Variants in XPO4 observed in about 807,000 individuals in gnomAD.
XPO4 encodes exportin-4.
XPO4 carries 39 observed loss-of-function variants against 143.0 expected under a neutral mutation model. The ratio of observed to expected loss-of-function variants is 0.27; its 90% CI spans 0.21 to 0.36. The LOEUF (loss-of-function observed/expected upper bound fraction) is 0.36. Ranked by LOEUF, XPO4 falls within the 10% of genes least tolerant of loss-of-function variation. The pLI, the probability that XPO4 is intolerant of heterozygous loss-of-function variation, is 1.00. For missense variants in XPO4, 907 were observed against 1,348.0 expected (o/e 0.67, Z 5.12); for synonymous variants, 439 against 474.0 (o/e 0.93, Z 0.96).
At chr13:20,902,229 G>C (rs1452024746) in intron 1 of XPO4, 2 of 985,172 alleles carry the variant, frequency 2.0e-6, no homozygotes, top group Non-Finnish European at 2.4e-6. Context: ...CAGGAAACAA[G>C]GGTTGCTAAC....
At chr13:20,887,932 T>C (rs1167904812) in intron 1 of XPO4, among the ~76,000 whole-genome samples, 1 of 151,472 alleles carries the variant, frequency 6.6e-6, no homozygotes, top group Non-Finnish European at 1.5e-5. Flanking sequence ...TCCGGCACTT[T>C]GGGAGGCTGA....
chr13:20,816,297 C>T (rs189688980), intron 9 of XPO4, among the ~76,000 whole-genome samples: 294 of 151,974 alleles, frequency 1.9e-3, no homozygotes, highest in African/African-American at 6.7e-3. Flanking sequence ...TCTTTCCTAG[C>T]GAAGTATCAT....
At chr13:20,791,525 A>T (rs1419730955) in intron 18 of XPO4, among the ~76,000 whole-genome samples, 1 of 152,244 alleles carries the variant, frequency 6.6e-6, no homozygotes, top group East Asian at 1.9e-4. Context: ...ATAACCATTA[A>T]AAATATCATC....
chr13:20,822,198 G>A lies in XPO4; in HGVS notation c.932C>T (p.Pro311Leu). The A allele has an allele frequency of 6.2e-7, 1 of 1,613,972 alleles. No homozygotes were observed. Among genetic ancestry groups the A allele is most frequent in the Non-Finnish European group, 8.5e-7 (1 of 1,179,898 alleles). The change falls in exon 8 of 23, where the codon CCA becomes CTA. Residue 311 changes from proline (P) to leucine (L), a missense_variant. Coordinates refer to ENST00000255305, the MANE Select transcript of XPO4 (RefSeq NM_022459.5). ...QLASLHGPIF[P>L]DEGSQVDYLA... ...ATAATCAACTTGTGATCCTTCATCTGGGAAGATGGGTCCATGAAGAGAAGC... is the reference window on the plus strand; with the variant it reads ...ATAATCAACTTGTGATCCTTCATCTAGGAAGATGGGTCCATGAAGAGAAGC...
At chr13:20,874,990 T>C (rs1566620729) in intron 1 of XPO4, among the ~76,000 whole-genome samples, 1 of 127,816 alleles carries the variant, frequency 7.8e-6, no homozygotes. Context: ...TGAGACTCCG[T>C]CTCAAAAAAA....
In XPO4 at chr13:20,783,807, G is replaced by A. The variant is rs199957121; in HGVS notation, c.3371C>T (p.Thr1124Met). 1.5e-4 allele frequency: 237 copies of A among 1,614,208 alleles called. 1 individual carries two copies. The highest frequency in any genetic ancestry group is 2.2e-4 in the South Asian group (20 of 91,088). The change falls in exon 23 of 23, where the codon ACG becomes ATG. Residue 1124 changes from threonine (T) to methionine (M), a missense_variant. Thr to Met is a moderately conservative substitution (Grantham distance 81). Coordinates refer to ENST00000255305, the MANE Select transcript of XPO4 (RefSeq NM_022459.5). The stretch of plus-strand genomic sequence containing the variant: ...GGCCATCTTCTGCTTCCGATCCAGC[G>A]TAGGAGGAGTGCTGCTTGCAGTGAG... ...NKLTASSTPP[T>M]LDRKQKMAFL... is the part of the protein sequence containing the mutation.
In XPO4 at chr13:20,803,192, T is replaced by A. The variant is rs1053273151; in HGVS notation, c.1818-2202A>T. ...ACAGAGATCTACCAACAAAAATTAT[T>A]TTTAATCATCTCTTGGTTGATGTGA... On this transcript the variant is annotated intron_variant, in intron 13 of 22. Coordinates refer to ENST00000255305, the MANE Select transcript of XPO4 (RefSeq NM_022459.5). The surrounding 1 kb of genome is among the most constrained non-coding windows in gnomAD (Gnocchi z 4.1). Among the ~76,000 whole-genome samples, 2 of 152,208 alleles carry A rather than the reference T, an allele frequency of 1.3e-5. No individual in the cohort carries two copies. Among genetic ancestry groups the A allele is most frequent in the African/African-American group, 4.8e-5 (2 of 41,440 alleles).
rs2060001913 is a variant in XPO4 at position 20,843,777 on chromosome 13, A to G, written c.566T>C (p.Val189Ala). Residue 189 changes from valine (V) to alanine (A), a missense_variant, in exon 5 of 23, where the codon GTT becomes GCT. Coordinates refer to ENST00000255305, the MANE Select transcript of XPO4 (RefSeq NM_022459.5). ...GAACAAAACTACCAATACCTGAAAA[A>G]CTCTTTTGCAGTTACCATGGAATTC... is the stretch of plus-strand genomic sequence containing the variant. ...SMEFHGNCKR[V>A]FQEEDLRQIF... is the part of the protein sequence containing the mutation. 1 of 1,610,288 alleles carries G rather than the reference A, an allele frequency of 6.2e-7. No homozygotes were observed. The highest frequency in any genetic ancestry group is 1.7e-5 in the Admixed American group (1 of 59,866).
intron 1 of XPO4, among the ~76,000 whole-genome samples, chr13:20,881,953 C>A (rs899210703): frequency 6.6e-6 from 1 of 151,210 alleles, no homozygotes; most frequent in South Asian, 2.1e-4. Context: ...ACTAAAAATA[C>A]AAAAAAATTA....
At chr13:20,887,011 A>G (rs1305117512) in intron 1 of XPO4, among the ~76,000 whole-genome samples, 1 of 152,142 alleles carries the variant, frequency 6.6e-6, no homozygotes, top group East Asian at 1.9e-4. Context: ...CGGAGGTTGC[A>G]GTGAGCCAAG....
At chr13:20,815,407 G>A (rs1336202750) in intron 9 of XPO4, among the ~76,000 whole-genome samples, 1 of 152,154 alleles carries the variant, frequency 6.6e-6, no homozygotes, top group East Asian at 1.9e-4. Flanking sequence ...GAGGCTGCAT[G>A]TTTGAGGGGG....
chr13:20,834,781 T>C (rs9805482), intron 6 of XPO4, among the ~76,000 whole-genome samples: 279 of 152,030 alleles, frequency 1.8e-3, no homozygotes, highest in African/African-American at 6.4e-3. Context: ...GGCAACATAG[T>C]GGGATCCTGC....
intron 22 of XPO4, among the ~76,000 whole-genome samples, chr13:20,785,901 A>AGGTG (rs1555329590): frequency 7.9e-6 from 1 of 126,392 alleles, no homozygotes; most frequent in African/African-American, 3.1e-5. Flanking sequence ...AGAAAGAAAG[A>AGGTG]GGAGGGAGGA....
At chr13:20,877,189 T>C (rs904871676) in intron 1 of XPO4, among the ~76,000 whole-genome samples, 37 of 152,320 alleles carry the variant, frequency 2.4e-4, no homozygotes, top group African/African-American at 8.4e-4. Flanking sequence ...AAAGGATTAA[T>C]ATCCAGAACA....
At chr13:20,852,741 A>G in intron 4 of XPO4, 2 of 982,344 alleles carry the variant, frequency 2.0e-6, no homozygotes, top group Non-Finnish European at 2.4e-6. Context: ...TATATTAAAA[A>G]AGACTAGAAG....
intron 19 of XPO4, among the ~76,000 whole-genome samples, chr13:20,790,012 T>C (rs1209376637): frequency 2.0e-5 from 3 of 152,212 alleles, no homozygotes; most frequent in Non-Finnish European, 4.4e-5. Context: ...CTTGGAAGCA[T>C]ACCATCCCAT....
chr13:20,895,838 TAA>T (rs2060563971), intron 1 of XPO4, among the ~76,000 whole-genome samples: 1 of 152,208 alleles, frequency 6.6e-6, no homozygotes, highest in Admixed American at 6.5e-5. Context: ...CCATATTTTT[TAA>T]GAGTTCCATA....
At chr13:20,789,012 AC>A (rs1428942175) in intron 19 of XPO4, among the ~76,000 whole-genome samples, 1 of 152,252 alleles carries the variant, frequency 6.6e-6, no homozygotes, top group African/African-American at 2.4e-5. Flanking sequence ...GAAGGTTAAT[AC>A]AAATTGTTAA....
chr13:20,799,712 T>C (rs1374279063), intron 15 of XPO4, among the ~76,000 whole-genome samples: 1 of 152,180 alleles, frequency 6.6e-6, no homozygotes. Context: ...ATGGTAATAA[T>C]AACAATGATA....
Sources: allele counts gnomAD v4.1 joint callset (sites outside exome capture counted in the v4.1 genomes callset), GRCh38; gene constraint gnomAD v4.1.1; non-coding constraint Gnocchi (gnomAD v3.1); transcripts MANE v1.5; gene names NCBI Gene and HGNC (gene_info 2026-07-23, HGNC 2026-07-21).